Variants in COLQ observed in about 807,000 individuals in gnomAD.
The protein encoded by COLQ is acetylcholinesterase collagenic tail peptide.
A neutral mutation model predicts 69.0 loss-of-function variants in COLQ; 48 were observed. The observed-to-expected ratio is 0.70, with a 90% CI of 0.55 to 0.88. COLQ has a LOEUF of 0.88. COLQ is among the 40% of genes least tolerant of loss of function. COLQ has a pLI of 0.00. For synonymous variants in COLQ, 217 were observed against 211.2 expected, an observed-to-expected ratio of 1.03 and a Z score of -0.24; for missense variants, 618 against 594.6, an observed-to-expected ratio of 1.04 and a Z score of -0.41.
chr3:15,510,519 G>A (rs2062970890), intron 1 of COLQ, among the ~76,000 whole-genome samples: 1 of 151,866 alleles, frequency 6.6e-6, no homozygotes, highest in Non-Finnish European at 1.5e-5. Context: ...ACGAGCCTGG[G>A]CAACATGGCA....
chr3:15,463,529 G>A (rs1214678344), intron 12 of COLQ, among the ~76,000 whole-genome samples: 1 of 151,880 alleles, frequency 6.6e-6, no homozygotes, highest in Non-Finnish European at 1.5e-5. Context: ...TGTATTTTTA[G>A]TAGAGATGGG....
rs143774034 is a variant in COLQ, at chr3:15,459,564, C to T, written c.815-1239G>A. On this transcript the variant is annotated intron_variant, in intron 12 of 16. Coordinates refer to ENST00000383788, the MANE Select transcript of COLQ (RefSeq NM_005677.4). ...TGTAATCTCAGCTCACTGCAACCTCCGCCTCTCAGGTTCAAGTGATTCTCC... is the reference window on the plus strand; with the variant it reads ...TGTAATCTCAGCTCACTGCAACCTCTGCCTCTCAGGTTCAAGTGATTCTCC... 4.2e-4 allele frequency among the ~76,000 whole-genome samples: 63 copies of T among 151,116 alleles called. 1 individual carries two copies. The East Asian group carries it at 9.7e-3, about 23-fold the overall frequency.
At chr3:15,490,983 A>C (rs1324231957) in intron 1 of COLQ, among the ~76,000 whole-genome samples, 1 of 152,182 alleles carries the variant, frequency 6.6e-6, no homozygotes, top group African/African-American at 2.4e-5. Flanking sequence ...GGCATCTCTG[A>C]ATGATGGGCA....
At chr3:15,520,893 A>T (rs1196685392) in intron 1 of COLQ, among the ~76,000 whole-genome samples, 1 of 152,026 alleles carries the variant, frequency 6.6e-6, no homozygotes, top group African/African-American at 2.4e-5. Flanking sequence ...TGGAAAGCTC[A>T]CTTCTCTCAG....
At chr3:15,500,715 A>G (rs903329850) in intron 1 of COLQ, among the ~76,000 whole-genome samples, 1 of 151,626 alleles carries the variant, frequency 6.6e-6, no homozygotes, top group Non-Finnish European at 1.5e-5. Flanking sequence ...GTGTCTCTCT[A>G]TCTATAACTT....
chr3:15,458,413 A>T lies in COLQ; in HGVS notation c.815-88T>A, dbSNP rs2062057274. 3 of 1,480,656 alleles carry T rather than the reference A, an allele frequency of 2.0e-6. No homozygotes were observed. In the African/African-American group the frequency reaches 4.2e-5, roughly 21 times the overall value. 91.7% of individuals were successfully genotyped at this position (1,480,656 alleles called of 1,614,324 possible). A position where few individuals can be genotyped will look rare whatever the true frequency, so the allele number is the denominator to read the frequency against. ...GATGTGAGCGACCTTTGCAACAGAA[A>T]AAAGGTTAAAGTCCACAGCATTTCA... On this transcript the variant is annotated intron_variant, in intron 12 of 16. Transcript: ENST00000383788.
At chr3:15,471,628 G>A (rs756284602) in intron 10 of COLQ, among the ~76,000 whole-genome samples, 62 of 152,136 alleles carry the variant, frequency 4.1e-4, no homozygotes, top group Non-Finnish European at 1.5e-4. Flanking sequence ...AAACACCCAG[G>A]CACTTTTTCA....
intron 1 of COLQ, among the ~76,000 whole-genome samples, chr3:15,505,667 C>T (rs1397411136): frequency 6.6e-6 from 1 of 152,230 alleles, no homozygotes; most frequent in Non-Finnish European, 1.5e-5. Flanking sequence ...GCTATTAAAT[C>T]TTCTGCCAGT....
intron 15 of COLQ, 49 bp downstream of exon 15, chr3:15,455,850 C>T (rs2062016112): frequency 3.1e-6 from 5 of 1,610,070 alleles, no homozygotes; most frequent in African/African-American, 1.3e-5. Context: ...CTGAGTCCCA[C>T]CCCCCTGCTG....
At chr3:15,477,330 C>T in intron 5 of COLQ, 133 bp from the exon 6 acceptor site, 1 of 761,636 alleles carries the variant, frequency 1.3e-6, no homozygotes, top group Admixed American at 2.1e-5. Flanking sequence ...CATCCCCACT[C>T]TCCGAAGACT....
rs1179652081 is a variant in COLQ, at chr3:15,483,949, TC to T, written c.321+4256del. Reference sequence around the variant, plus strand: ...TAGTTAGCTCTTCTTATTGAATTCATCCCTTTACCATTATGTAATGGCCTTC... The same window carrying T: ...TAGTTAGCTCTTCTTATTGAATTCATCCTTTACCATTATGTAATGGCCTTC... On this transcript the variant is annotated intron_variant, in intron 3 of 16. Transcript: ENST00000383788. 2.0e-5 allele frequency among the ~76,000 whole-genome samples: 3 copies of T among 152,370 alleles called. No homozygotes were observed. In the East Asian group the frequency reaches 5.8e-4, roughly 29 times the overall value.
At chr3:15,505,321 T>C (rs545019372) in intron 1 of COLQ, among the ~76,000 whole-genome samples, 75 of 152,314 alleles carry the variant, frequency 4.9e-4, no homozygotes, top group African/African-American at 1.3e-3. Flanking sequence ...GGAGGAAAAG[T>C]CTATCCTCAC....
intron 1 of COLQ, among the ~76,000 whole-genome samples, chr3:15,500,447 T>C (rs1258891998): frequency 6.6e-6 from 1 of 152,232 alleles, no homozygotes; most frequent in African/African-American, 2.4e-5. Context: ...AAGCACTTAC[T>C]GTGTTTTTTT....
chr3:15,493,245 C>T (rs781086437), intron 1 of COLQ, among the ~76,000 whole-genome samples: 5 of 152,208 alleles, frequency 3.3e-5, no homozygotes, highest in East Asian at 3.9e-4. Context: ...CCCCAGGGAG[C>T]GGGAGGAATG....
intron 12 of COLQ, among the ~76,000 whole-genome samples, chr3:15,461,998 C>CTTATTTAT (rs71045162): frequency 0.011 from 1,512 of 137,982 alleles, 20 homozygotes; most frequent in South Asian, 0.017. Flanking sequence ...ACAGGGATAA[C>CTTATTTAT]TTATTTATTT....
In COLQ at chr3:15,474,027, T is replaced by C. The variant is rs1468073304; in HGVS notation, c.609A>G (p.Pro203=). ...DLGPKGEKGF[P]GFPGMLGQKG... Reference sequence around the variant, plus strand: ...TCTGCCCCAACATTCCAGGAAATCCTGGGAAACCCTGTGAAAAGAGCAACA... The same window carrying C: ...TCTGCCCCAACATTCCAGGAAATCCCGGGAAACCCTGTGAAAAGAGCAACA... Residue 203 remains proline, a synonymous_variant, in exon 10 of 17, where the codon CCA becomes CCG. Coordinates refer to ENST00000383788, the MANE Select transcript of COLQ (RefSeq NM_005677.4). The C allele has an allele frequency of 6.2e-7, 1 of 1,614,050 alleles. No homozygotes were observed. Among genetic ancestry groups the C allele is most frequent in the Admixed American group, 1.7e-5 (1 of 60,002 alleles).
intron 1 of COLQ, among the ~76,000 whole-genome samples, chr3:15,491,336 C>G (rs2062662758): frequency 6.6e-6 from 1 of 152,204 alleles, no homozygotes; most frequent in African/African-American, 2.4e-5. Flanking sequence ...CACCCCTTCA[C>G]GAAACCTCTG....
At chr3:15,491,598 C>T (rs1392793855) in intron 1 of COLQ, among the ~76,000 whole-genome samples, 1 of 152,258 alleles carries the variant, frequency 6.6e-6, no homozygotes, top group Non-Finnish European at 1.5e-5. Flanking sequence ...CTGGCCTGTG[C>T]CAAAGACCCT....
chr3:15,459,285 T>C (rs1575464148), intron 12 of COLQ, among the ~76,000 whole-genome samples: 1 of 152,150 alleles, frequency 6.6e-6, no homozygotes, highest in South Asian at 2.1e-4. Flanking sequence ...AAAGATATGA[T>C]CAGAAAGTGT....
Sources: allele counts gnomAD v4.1 joint callset (sites outside exome capture counted in the v4.1 genomes callset), GRCh38; gene constraint gnomAD v4.1.1; transcripts MANE v1.5; gene names NCBI Gene and HGNC (gene_info 2026-07-23, HGNC 2026-07-21).